GRM7: variants seen among roughly 807,000 people sequenced by gnomAD.
GRM7 encodes glutamate metabotropic receptor 7, also known as metabotropic glutamate receptor 7.
Under a neutral mutation model 84.5 loss-of-function variants are expected in GRM7, and 35 were observed. The observed-to-expected ratio is 0.41, with a 90% CI of 0.32 to 0.55. The LOEUF is 0.55. Ranked by LOEUF, GRM7 falls within the 20% of genes least tolerant of loss-of-function variation. The probability of loss-of-function intolerance (pLI) is 0.19; values close to 1 mark genes in which losing one functional copy is unlikely to be tolerated. For synonymous variants in GRM7, 487 were observed against 455.1 expected, an observed-to-expected ratio of 1.07 and a Z score of -0.89; for missense variants, 1,003 against 1,194.6, an observed-to-expected ratio of 0.84 and a Z score of 2.36.
intron 2 of GRM7, among the ~76,000 whole-genome samples, chr3:7,272,597 G>C (rs970495216): frequency 6.6e-6 from 1 of 152,094 alleles, no homozygotes; most frequent in Non-Finnish European, 1.5e-5. Flanking sequence ...CTTTCAAGGA[G>C]TTGGTAGATT....
chr3:7,151,552 G>T lies in GRM7; in HGVS notation c.736+4884G>T. Among the ~76,000 whole-genome samples, 1 of 152,116 alleles carries T rather than the reference G, an allele frequency of 6.6e-6. No homozygotes were observed. The highest frequency in any genetic ancestry group is 6.5e-5 in the Admixed American group (1 of 15,268). On this transcript the variant is annotated intron_variant, in intron 2 of 9. Coordinates refer to ENST00000357716, the MANE Select transcript of GRM7 (RefSeq NM_000844.4). This position sits in a 1 kb window ranked among gnomAD's most constrained non-coding sequence, Gnocchi z 4.5. ...TTGTGGTGTGCATTGCCCATTGTTAGTCTTTGCCAATTTACTTTAAGCTCC... is the reference window on the plus strand; with the variant it reads ...TTGTGGTGTGCATTGCCCATTGTTATTCTTTGCCAATTTACTTTAAGCTCC...
chr3:7,682,160 AC>A (rs1700394191), intron 9 of GRM7: 1 of 151,826 alleles, frequency 6.6e-6, no homozygotes, highest in South Asian at 2.1e-4. Context: ...ACATGGAGAA[AC>A]CCCGTCTCTA....
chr3:7,184,233 C>T (rs772762116), intron 2 of GRM7, among the ~76,000 whole-genome samples: 24 of 152,040 alleles, frequency 1.6e-4, no homozygotes, highest in Non-Finnish European at 2.9e-4. Flanking sequence ...ATAAGCTATT[C>T]CCTTCTCCGA....
chr3:6,954,270 C>G (rs1366580421), intron 1 of GRM7, among the ~76,000 whole-genome samples: 1 of 152,082 alleles, frequency 6.6e-6, no homozygotes, highest in Non-Finnish European at 1.5e-5. Context: ...AGATATAATA[C>G]CTTGTTGTTA....
At chr3:6,933,712 C>A (rs1371742007) in intron 1 of GRM7, among the ~76,000 whole-genome samples, 1 of 150,862 alleles carries the variant, frequency 6.6e-6, no homozygotes, top group Admixed American at 6.6e-5. Context: ...CCACATTTTA[C>A]CAAATCTGGC....
intron 1 of GRM7, among the ~76,000 whole-genome samples, chr3:7,121,719 A>T (rs1235535391): frequency 6.6e-6 from 1 of 152,188 alleles, no homozygotes; most frequent in African/African-American, 2.4e-5. Flanking sequence ...ATCAATGAGG[A>T]AGCAGAGATG....
intron 4 of GRM7, among the ~76,000 whole-genome samples, chr3:7,414,299 G>A (rs1028165182): frequency 2.6e-5 from 4 of 152,124 alleles, no homozygotes; most frequent in African/African-American, 9.7e-5. Context: ...AGGAGATGGT[G>A]TAGTCTTCAT....
chr3:6,882,628 T>C (rs1282717883), intron 1 of GRM7, among the ~76,000 whole-genome samples: 1 of 152,140 alleles, frequency 6.6e-6, no homozygotes, highest in African/African-American at 2.4e-5. Flanking sequence ...ATTCTTGAGA[T>C]ATTTTTGTTT....
chr3:7,296,300 T>C (rs994511670), intron 2 of GRM7, among the ~76,000 whole-genome samples: 1 of 152,154 alleles, frequency 6.6e-6, no homozygotes, highest in Admixed American at 6.6e-5. Flanking sequence ...TGTTAACATA[T>C]TTTTAAGAAT....
intron 1 of GRM7, among the ~76,000 whole-genome samples, chr3:6,970,809 T>C (rs897355581): frequency 2.0e-5 from 3 of 151,864 alleles, no homozygotes; most frequent in African/African-American, 2.4e-5. Context: ...GAAACCCCGT[T>C]TCTACTAAAC....
At chr3:7,407,218 C>T (rs878946138) in intron 4 of GRM7, among the ~76,000 whole-genome samples, 1 of 152,166 alleles carries the variant, frequency 6.6e-6, no homozygotes, top group Non-Finnish European at 1.5e-5. Context: ...CTCCACTGTG[C>T]GCTTATTTAT....
At chr3:7,526,695 T>C (rs370906073) in intron 7 of GRM7, among the ~76,000 whole-genome samples, 1 of 152,102 alleles carries the variant, frequency 6.6e-6, no homozygotes, top group South Asian at 2.1e-4. Flanking sequence ...CTTGAGTTAA[T>C]TTTTGTATGT....
At chr3:7,516,940 C>T (rs1700414138) in intron 7 of GRM7, among the ~76,000 whole-genome samples, 1 of 152,142 alleles carries the variant, frequency 6.6e-6, no homozygotes, top group South Asian at 2.1e-4. Flanking sequence ...ATTCTAGGTT[C>T]CTGAGATGCA....
chr3:7,675,343 T>C (rs2125135936), intron 8 of GRM7, among the ~76,000 whole-genome samples: 1 of 152,338 alleles, frequency 6.6e-6, no homozygotes. Context: ...TATCAGAATA[T>C]TCTTCAATTA....
At chr3:6,879,241 G>C (rs1380046056) in intron 1 of GRM7, among the ~76,000 whole-genome samples, 2 of 152,120 alleles carry the variant, frequency 1.3e-5, no homozygotes, top group South Asian at 2.1e-4. Context: ...AATCTAGAAA[G>C]TCTGATTCCA....
At chr3:7,136,141 A>G (rs1693763069) in intron 1 of GRM7, among the ~76,000 whole-genome samples, 1 of 152,090 alleles carries the variant, frequency 6.6e-6, no homozygotes, top group South Asian at 2.1e-4. Context: ...ATTAGAAATG[A>G]CATATAATTA....
chr3:7,333,420 A>T (rs1348375714), intron 4 of GRM7, among the ~76,000 whole-genome samples: 1 of 152,210 alleles, frequency 6.6e-6, no homozygotes, highest in Non-Finnish European at 1.5e-5. Flanking sequence ...AAGAAGCCCC[A>T]TTCCTAGGGG....
intron 5 of GRM7, among the ~76,000 whole-genome samples, chr3:7,447,489 C>T (rs966110666): frequency 8.5e-5 from 13 of 152,076 alleles, no homozygotes; most frequent in African/African-American, 2.9e-4. Context: ...ATGTATTACT[C>T]GGAAGACCAT....
intron 4 of GRM7, among the ~76,000 whole-genome samples, chr3:7,307,926 C>G (rs912965164): frequency 2.8e-5 from 4 of 144,772 alleles, no homozygotes; most frequent in Non-Finnish European, 4.6e-5. Flanking sequence ...ACATGGGAAA[C>G]ATTGTAAGTA....
Sources: gnomAD v4.1 joint callset for allele counts (sites outside exome capture counted in the v4.1 genomes callset) on GRCh38, gnomAD v4.1.1 for gene constraint, Gnocchi (gnomAD v3.1) non-coding constraint, MANE v1.5 for transcripts, NCBI Gene and HGNC (gene_info 2026-07-23, HGNC 2026-07-21) for gene names.